The following LONP2 variants were observed in gnomAD, a reference collection of about 807,000 sequenced individuals.
LONP2 encodes the protein lon protease homolog 2, peroxisomal.
Under a neutral mutation model 85.6 loss-of-function variants are expected in LONP2, and 60 were observed. That is an observed-to-expected ratio of 0.70 (90% CI 0.57 to 0.87). The LOEUF (loss-of-function observed/expected upper bound fraction) is 0.87. Ranked by LOEUF, LONP2 falls within the 40% of genes least tolerant of loss-of-function variation. LONP2 has a pLI of 0.00. For synonymous variants in LONP2, 395 were observed against 389.7 expected (o/e 1.01, Z -0.16); for missense variants, 860 against 1,063.5 (o/e 0.81, Z 2.66).
chr16:48,253,090 G>A (rs774088343), intron 2 of LONP2, among the ~76,000 whole-genome samples: 8 of 152,160 alleles, frequency 5.3e-5, no homozygotes, highest in African/African-American at 1.9e-4. Flanking sequence ...TATGTGTGGG[G>A]CAAGTGTTCA....
At chr16:48,359,504 T>C (rs923028645), downstream of LONP2, among the ~76,000 whole-genome samples, 4 of 151,968 alleles carry the variant, frequency 2.6e-5, no homozygotes, top group Middle Eastern at 3.2e-3. Flanking sequence ...GATCACAAGG[T>C]CAGGAGATTG....
At chr16:48,347,242 C>G (rs1959993009) in intron 12 of LONP2, among the ~76,000 whole-genome samples, 1 of 152,176 alleles carries the variant, frequency 6.6e-6, no homozygotes, top group Non-Finnish European at 1.5e-5. Flanking sequence ...GTAGCTAGAT[C>G]TGGCTCATAA....
At chr16:48,278,285 C>G (rs1972256857) in intron 8 of LONP2, among the ~76,000 whole-genome samples, 1 of 152,132 alleles carries the variant, frequency 6.6e-6, no homozygotes, top group Non-Finnish European at 1.5e-5. Context: ...ATTTTATCTT[C>G]TTAAGCGTCC....
intron 8 of LONP2, among the ~76,000 whole-genome samples, chr16:48,292,729 C>G (rs1972581515): frequency 1.3e-5 from 2 of 152,218 alleles, no homozygotes; most frequent in Admixed American, 6.5e-5. Context: ...AAGCTGTAAG[C>G]AATCCCGCTG....
chr16:48,312,279 T>C (rs1973049014), intron 11 of LONP2, among the ~76,000 whole-genome samples: 1 of 152,172 alleles, frequency 6.6e-6, no homozygotes, highest in South Asian at 2.1e-4. Flanking sequence ...TTGAATTCTT[T>C]ATCTGGCATT....
At chr16:48,306,552 A>G (rs1972915872) in intron 11 of LONP2, among the ~76,000 whole-genome samples, 1 of 152,210 alleles carries the variant, frequency 6.6e-6, no homozygotes, top group African/African-American at 2.4e-5. Context: ...AATAATTAGA[A>G]TAAATACTTG....
chr16:48,351,586 T>G lies in LONP2; in HGVS notation c.2343T>G (p.Gly781=), dbSNP rs1960150080. The G allele has an allele frequency of 6.2e-7, 1 of 1,613,566 alleles. No homozygotes were observed. The highest frequency in any genetic ancestry group is 8.5e-7 in the Non-Finnish European group (1 of 1,179,678). The change falls in exon 15 of 15, where the codon GGT becomes GGG. Residue 781 remains glycine (G), a synonymous_variant. Transcript: ENST00000285737. ...ITLRGLVLPV[G]GIKDKVLAAH... ...ACTTTTTTCTCTCCTTACAGGTGGG[T>G]GGAATTAAAGACAAAGTGCTGGCGG...
intron 7 of LONP2, among the ~76,000 whole-genome samples, chr16:48,272,444 A>T (rs1972124619): frequency 6.6e-6 from 1 of 152,182 alleles, no homozygotes; most frequent in Admixed American, 6.5e-5. Context: ...CCTTACTGAC[A>T]TATAAAATTT....
chr16:48,346,668 T>C (rs999697919), intron 12 of LONP2, among the ~76,000 whole-genome samples: 1 of 152,112 alleles, frequency 6.6e-6, no homozygotes, highest in Non-Finnish European at 1.5e-5. Context: ...CACACTGGTC[T>C]CTATCGAACT....
At position 48,278,147 on chromosome 16, in the gene LONP2, G is replaced by A. The variant is rs2046528; in HGVS notation, c.1383+668G>A. Among the ~76,000 whole-genome samples, 888 of 151,968 alleles carry A rather than the reference G, an allele frequency of 5.8e-3. 7 individuals are homozygous for A. The highest frequency in any genetic ancestry group is 0.031 in the Middle Eastern group (9 of 292). On this transcript the variant is annotated intron_variant, in intron 8 of 14. Transcript: ENST00000285737. ...ATGGTAAACTGTGATCACTTTTCCT[G>A]TTCCTATTTTTGTTTTTCTCTACTT...
intron 9 of LONP2, among the ~76,000 whole-genome samples, chr16:48,297,309 T>C (rs2150997024): frequency 6.6e-6 from 1 of 152,068 alleles, no homozygotes; most frequent in South Asian, 2.1e-4. Flanking sequence ...AAATGTCTTT[T>C]ACTTATTTTT....
chr16:48,278,941 C>G (rs924061368), intron 8 of LONP2, among the ~76,000 whole-genome samples: 1 of 152,038 alleles, frequency 6.6e-6, no homozygotes, highest in Admixed American at 6.6e-5. Flanking sequence ...GCTCTACTTT[C>G]TGTGCAGACT....
chr16:48,258,940 A>C (rs1387079761), intron 4 of LONP2, among the ~76,000 whole-genome samples, 200 bp downstream of exon 4: 1 of 152,182 alleles, frequency 6.6e-6, no homozygotes, highest in Non-Finnish European at 1.5e-5. Flanking sequence ...GTTATCATCC[A>C]AAAGGATAAT....
At chr16:48,334,551 G>A (rs1418347567) in intron 12 of LONP2, 193 bp downstream of exon 12, 3 of 714,856 alleles carry the variant, frequency 4.2e-6, no homozygotes, top group South Asian at 1.6e-5. Flanking sequence ...GGGCGCAGGC[G>A]AGCACAGCTC....
chr16:48,362,423 G>A lies in LONP2; in HGVS notation c.*560G>A, dbSNP rs201030436. On this transcript the variant is annotated 3_prime_UTR_variant, in exon 5 of 5. Transcript: ENST00000565867. The surrounding 1 kb of genome is among the most constrained non-coding windows in gnomAD (Gnocchi z 4.2). ...TAGGTAATGCTGTAGCAGTCTGACG[G>A]CTCATTTCTGAAATAAATACATAAG... is the stretch of plus-strand genomic sequence containing the variant. The A allele has an allele frequency of 6.2e-7, 1 of 1,613,894 alleles. No homozygotes were observed. Among genetic ancestry groups the A allele is most frequent in the Non-Finnish European group, 8.5e-7 (1 of 1,179,912 alleles).
intron 8 of LONP2, among the ~76,000 whole-genome samples, chr16:48,292,325 C>T (rs1972572608): frequency 6.6e-6 from 1 of 152,016 alleles, no homozygotes; most frequent in African/African-American, 2.4e-5. Flanking sequence ...TTGGGGCCCA[C>T]AAGGAATTTC....
At chr16:48,317,855 G>A (rs915652731) in intron 11 of LONP2, among the ~76,000 whole-genome samples, 8 of 152,234 alleles carry the variant, frequency 5.3e-5, no homozygotes, top group African/African-American at 1.9e-4. Context: ...TAGACCACAA[G>A]TCTGTCTCCC....
chr16:48,267,994 C>T (rs1972027111), intron 6 of LONP2, among the ~76,000 whole-genome samples: 1 of 152,102 alleles, frequency 6.6e-6, no homozygotes, highest in South Asian at 2.1e-4. Flanking sequence ...AAAAGGAAAG[C>T]AGAGAGGAAA....
intron 12 of LONP2, among the ~76,000 whole-genome samples, chr16:48,347,201 T>C (rs942694386): frequency 6.6e-6 from 1 of 152,168 alleles, no homozygotes; most frequent in Non-Finnish European, 1.5e-5. Context: ...GATAAAACTA[T>C]TGGGTTTATT....
Sources: gnomAD v4.1 joint callset for allele counts (sites outside exome capture counted in the v4.1 genomes callset) on GRCh38, gnomAD v4.1.1 for gene constraint, Gnocchi (gnomAD v3.1) non-coding constraint, MANE v1.5 for transcripts, NCBI Gene and HGNC (gene_info 2026-07-23, HGNC 2026-07-21) for gene names.